PRR5: variants seen among roughly 807,000 people sequenced by gnomAD.
PRR5 encodes proline-rich protein 5.
PRR5 carries 25 observed loss-of-function variants against 30.6 expected under a neutral mutation model. The observed-to-expected ratio is 0.82, with a 90% CI of 0.60 to 1.14. PRR5 has a LOEUF of 1.14. PRR5 is among the 50% of genes most tolerant of loss of function. The probability of loss-of-function intolerance (pLI) is 0.00; values close to 1 mark genes in which losing one functional copy is unlikely to be tolerated. For missense variants in PRR5, 600 were observed against 547.1 expected (o/e 1.10, Z -0.96); for synonymous variants, 286 against 247.1 (o/e 1.16, Z -1.48).
chr22:44,725,972 T>A (rs949383535), intron 3 of PRR5, among the ~76,000 whole-genome samples: 2 of 152,230 alleles, frequency 1.3e-5, no homozygotes, highest in Non-Finnish European at 2.9e-5. Context: ...ACCAATTCTG[T>A]ACATTTCATA....
chr22:44,702,183 C>T (rs182978211), upstream of PRR5: 197 of 938,234 alleles, frequency 2.1e-4, 1 homozygote, highest in Admixed American at 2.8e-4. Flanking sequence ...CGCCCCTGGG[C>T]CCGCCCCCGG....
In PRR5 at chr22:44,730,418, G is replaced by A. The variant is rs941314518; in HGVS notation, c.323-1312G>A. ...CCTGGACCCAGCAGCCCTCATCCCA[G>A]CTCCGCTCAGTCCAGGCAGAAAGGC... On this transcript the variant is annotated intron_variant, in intron 4 of 7. Coordinates refer to ENST00000336985, the MANE Select transcript of PRR5 (RefSeq NM_181333.4). The A allele has an allele frequency of 8.1e-6, 8 of 985,272 alleles. No individual in the cohort carries two copies. The African/African-American group carries it at 1.2e-4, about 15-fold the overall frequency. The allele number at this position is 985,272 out of a possible 1,614,324, so 61.0% of individuals were successfully genotyped here. A position where few individuals can be genotyped will look rare whatever the true frequency, so the allele number is the denominator to read the frequency against.
intron 1 of PRR5, among the ~76,000 whole-genome samples, chr22:44,705,027 C>T (rs139308432): frequency 6.6e-6 from 1 of 152,276 alleles, no homozygotes; most frequent in South Asian, 2.1e-4. Flanking sequence ...AGGGCCTGGC[C>T]GTGTACTCCT....
intron 1 of PRR5, among the ~76,000 whole-genome samples, chr22:44,696,721 G>GTATTTATTTATT (rs56370664): frequency 0.046 from 6,858 of 147,972 alleles, 214 homozygotes; most frequent in East Asian, 0.085. Flanking sequence ...ATGAACTTAC[G>GTATTTATTTATT]TATTTATTTA....
In PRR5 at chr22:44,702,567, C is replaced by T; in HGVS notation, c.93C>T (p.Gly31=). The part of the protein sequence containing the change: ...REPAAAADER[G]TQQRRACANA... ...CGGCCGCCGCCGCGGACGAGCGGGGCACGCAGCAGCGCCGGGCCTGCGCCA... is the reference window on the plus strand; with the variant it reads ...CGGCCGCCGCCGCGGACGAGCGGGGTACGCAGCAGCGCCGGGCCTGCGCCA... The change falls in exon 1 of 8, where the codon GGC becomes GGT. Residue 31 remains glycine (G), a synonymous_variant. Transcript: ENST00000336985. 7.0e-7 allele frequency: 1 copy of T among 1,427,922 alleles called. No individual in the cohort carries two copies. Among genetic ancestry groups the T allele is most frequent in the South Asian group, 1.4e-5 (1 of 69,562 alleles). The allele number at this position is 1,427,922 out of a possible 1,614,324, so 88.5% of individuals were successfully genotyped here.
upstream of PRR5, among the ~76,000 whole-genome samples, chr22:44,676,648 T>C (rs1027694023): frequency 2.0e-5 from 3 of 151,808 alleles, no homozygotes; most frequent in African/African-American, 4.8e-5. Context: ...CCAAGGGGCA[T>C]AGCAGTCGGA....
At chr22:44,710,447 A>T (rs1219547754) in intron 1 of PRR5, among the ~76,000 whole-genome samples, 1 of 152,152 alleles carries the variant, frequency 6.6e-6, no homozygotes, top group Non-Finnish European at 1.5e-5. Flanking sequence ...AAGGGAGGTC[A>T]TGGGCCGTTT....
chr22:44,730,858 CCT>C (rs1204056739), intron 4 of PRR5: 1 of 447,628 alleles, frequency 2.2e-6, no homozygotes, highest in South Asian at 1.8e-5. Context: ...GGAGGCTCAG[CCT>C]CTGTCTGCTT....
In PRR5 at chr22:44,726,034, A is replaced by G. The variant is rs734799; in HGVS notation, c.265-543A>G. Among the ~76,000 whole-genome samples the G allele has an allele frequency of 8.7e-4, 132 of 152,138 alleles. No individual in the cohort carries two copies. In the Middle Eastern group the frequency reaches 0.014, roughly 16 times the overall value. ...TTTTGTCTGGACTCTTTCTCTTAGC[A>G]TCAGGTTCTTTCTCATTGGAGCACA... On this transcript the variant is annotated intron_variant, in intron 3 of 7. Coordinates refer to ENST00000336985, the MANE Select transcript of PRR5 (RefSeq NM_181333.4).
chr22:44,725,056 GC>G (rs35530859), intron 2 of PRR5, among the ~76,000 whole-genome samples, 187 bp from the exon 3 acceptor site: 7 of 152,164 alleles, frequency 4.6e-5, no homozygotes, highest in Non-Finnish European at 1.0e-4. Context: ...GACCATGGAG[GC>G]CCCGGTTGTG....
At chr22:44,714,570 T>C in intron 1 of PRR5, 21 bp from the exon 2 acceptor site, 1 of 1,611,720 alleles carries the variant, frequency 6.2e-7, no homozygotes, top group South Asian at 1.1e-5. Context: ...GACTGCAGTG[T>C]TTTCTTCCCT....
chr22:44,735,540 G>C (rs952453342), intron 7 of PRR5, among the ~76,000 whole-genome samples: 4 of 152,186 alleles, frequency 2.6e-5, no homozygotes, highest in Non-Finnish European at 5.9e-5. Context: ...CTCGGCCTGG[G>C]GGTGGGCAGG....
In PRR5 at chr22:44,736,900, G is replaced by A. The variant is rs376477477; in HGVS notation, c.820G>A (p.Gly274Ser). ...GCACGAGGCGGAGGGCGCGGCGGCC[G>A]GCGGTACCAGCATCCGCAGGCACTC... is the stretch of plus-strand genomic sequence containing the variant. ...QEHEAEGAAA[G>S]GTSIRRHSVS... is the part of the protein sequence containing the mutation. Residue 274 changes from glycine (G) to serine (S), a missense_variant, in exon 8 of 8, where the codon GGC becomes AGC. Physicochemically the swap from Gly to Ser is moderately conservative, Grantham distance 56. Coordinates refer to ENST00000336985, the MANE Select transcript of PRR5 (RefSeq NM_181333.4). 5.9e-5 allele frequency: 95 copies of A among 1,608,568 alleles called. No individual in the cohort carries two copies. Among genetic ancestry groups the A allele is most frequent in the Non-Finnish European group, 7.4e-5 (87 of 1,178,696 alleles).
upstream of PRR5, among the ~76,000 whole-genome samples, chr22:44,700,342 A>G (rs5765914): frequency 0.48 from 72,825 of 151,894 alleles, 18,033 homozygotes; most frequent in South Asian, 0.59. Context: ...GTAGGTGCCT[A>G]TAATCTCAGC....
intron 1 of PRR5, among the ~76,000 whole-genome samples, chr22:44,687,772 G>T (rs575313007): frequency 1.3e-5 from 2 of 152,128 alleles, no homozygotes; most frequent in African/African-American, 4.8e-5. Flanking sequence ...TAATGTCTGA[G>T]GTTGTGTTTT....
chr22:44,732,945 G>A (rs1173923780), intron 6 of PRR5, among the ~76,000 whole-genome samples: 1 of 100,808 alleles, frequency 9.9e-6, no homozygotes, highest in East Asian at 2.2e-4. Context: ...CTACACACGT[G>A]TGCACACATA....
chr22:44,671,331 A>T (rs1923414850), intron 1 of PRR5, among the ~76,000 whole-genome samples: 1 of 152,226 alleles, frequency 6.6e-6, no homozygotes, highest in African/African-American at 2.4e-5. Flanking sequence ...TCTTGGTGAC[A>T]AGACAGCCCT....
At chr22:44,678,114 G>C (rs1196287488) in intron 1 of PRR5, among the ~76,000 whole-genome samples, 1 of 152,142 alleles carries the variant, frequency 6.6e-6, no homozygotes, top group Non-Finnish European at 1.5e-5. Flanking sequence ...GGCTGCATGC[G>C]GGCTCTTGAT....
chr22:44,681,592 G>GAA (rs71744414), intron 1 of PRR5, among the ~76,000 whole-genome samples: 2 of 129,590 alleles, frequency 1.5e-5, no homozygotes, highest in Non-Finnish European at 3.6e-5. Flanking sequence ...TTGTCTCAAA[G>GAA]AAAAAAAAAA....
Sources: gnomAD v4.1 joint callset for allele counts (sites outside exome capture counted in the v4.1 genomes callset) on GRCh38, gnomAD v4.1.1 for gene constraint, MANE v1.5 for transcripts, NCBI Gene and HGNC (gene_info 2026-07-23, HGNC 2026-07-21) for gene names.